TRMT2B: variants seen among roughly 807,000 people sequenced by gnomAD.
TRMT2B encodes tRNA (uracil-5-)-methyltransferase homolog B.
A neutral mutation model predicts 39.7 loss-of-function variants in TRMT2B; 34 were observed. The observed-to-expected ratio is 0.86, with a 90% CI of 0.65 to 1.14. TRMT2B has a LOEUF of 1.14. Ranked by LOEUF, TRMT2B falls within the 50% of genes most tolerant of loss-of-function variation. The pLI, the probability that TRMT2B is intolerant of heterozygous loss-of-function variation, is 0.00. For synonymous variants in TRMT2B, 132 were observed against 137.3 expected (o/e 0.96, Z 0.27); for missense variants, 318 against 377.2 (o/e 0.84, Z 1.30).
At chrX:101,011,780 G>T (rs2086263712) in intron 13 of TRMT2B, among the ~76,000 whole-genome samples, 1 of 111,320 alleles carries the variant, frequency 9.0e-6, no homozygotes, top group Non-Finnish European at 1.9e-5. Context: ...TGTAGTGCCA[G>T]CTACTCAGGA....
intron 7 of TRMT2B, among the ~76,000 whole-genome samples, chrX:101,025,181 T>C (rs2087003104): frequency 8.9e-6 from 1 of 111,983 alleles, no homozygotes. Flanking sequence ...TCAGTTTATT[T>C]ATGGAAAATA....
chrX:101,028,748 T>TG (rs1356423608), intron 7 of TRMT2B, among the ~76,000 whole-genome samples: 3 of 111,766 alleles, frequency 2.7e-5, no homozygotes, highest in Admixed American at 9.6e-5. Context: ...TATCTCAAAT[T>TG]GTAATCCCCA....
chrX:101,033,256 CAA>C (rs748471263), intron 7 of TRMT2B, among the ~76,000 whole-genome samples: 20 of 58,109 alleles, frequency 3.4e-4, no homozygotes, highest in Admixed American at 4.1e-4. Flanking sequence ...AACTCCAAGT[CAA>C]AAAAAAAAAA....
At chrX:101,019,892 A>G (rs1488958336) in intron 11 of TRMT2B, among the ~76,000 whole-genome samples, 1 of 110,241 alleles carries the variant, frequency 9.1e-6, no homozygotes, top group African/African-American at 3.3e-5. Context: ...AGCCTCCCAA[A>G]GTGCTGGAAT....
At chrX:101,032,024 G>A (rs920328388) in intron 7 of TRMT2B, among the ~76,000 whole-genome samples, 3 of 111,302 alleles carry the variant, frequency 2.7e-5, no homozygotes, top group African/African-American at 9.8e-5. Context: ...GACCGGGGGT[G>A]CCTATAATCC....
rs2086788211 is a variant in TRMT2B, at chrX:101,021,235, C to T, written c.932G>A (p.Ser311Asn). The T allele has an allele frequency of 1.7e-6, 2 of 1,209,966 alleles. No homozygotes were observed. The highest frequency in any genetic ancestry group is 2.2e-6 in the Non-Finnish European group (2 of 895,194). Residue 311 changes from serine to asparagine, a missense_variant, in exon 10 of 14, where the codon AGC becomes AAC. Ser to Asn is a conservative substitution (Grantham distance 46). Coordinates refer to ENST00000372936, the MANE Select transcript of TRMT2B (RefSeq NM_024917.6). ...ATCTGGAGAGATGCGGATCTTCAAG[C>T]TCAGAAGTTCTTCAAAGATGTAGGG... ...GEPYIFEELL[S>N]LKIRISPDAF...
intron 2 of TRMT2B, among the ~76,000 whole-genome samples, chrX:101,048,460 AAAAC>A (rs1477442252): frequency 5.4e-5 from 6 of 111,238 alleles, no homozygotes; most frequent in African/African-American, 2.0e-4. Context: ...CAAAAAAAAA[AAAAC>A]AGTCTTACTT....
chrX:101,021,702 G>A (rs1274777156), intron 9 of TRMT2B, among the ~76,000 whole-genome samples: 1 of 112,364 alleles, frequency 8.9e-6, no homozygotes, highest in Admixed American at 9.4e-5. Flanking sequence ...TGGTTGGGTA[G>A]ACAGGGAGGC....
intron 5 of TRMT2B, 82 bp from the exon 6 acceptor site, chrX:101,037,155 T>C: frequency 2.6e-6 from 2 of 766,007 alleles, no homozygotes; most frequent in Non-Finnish European, 4.0e-6. Context: ...AGCAGGAATG[T>C]TCTCTGGATG....
chrX:100,981,634 T>C, the TRMT2B span, among the ~76,000 whole-genome samples: 7 of 93,035 alleles, frequency 7.5e-5, no homozygotes, highest in African/African-American at 2.8e-4. Context: ...CAAAACTCTC[T>C]ACAAAAAAAA....
the TRMT2B span, among the ~76,000 whole-genome samples, chrX:100,976,860 A>G: frequency 8.9e-6 from 1 of 112,664 alleles, no homozygotes; most frequent in Non-Finnish European, 1.9e-5. Context: ...GGCCTCCCAA[A>G]GTGGTGGGAT....
chrX:100,996,172 C>T, the TRMT2B span, among the ~76,000 whole-genome samples: 1 of 111,581 alleles, frequency 9.0e-6, no homozygotes, highest in African/African-American at 3.3e-5. Context: ...GCCAGGCACA[C>T]AAAGACAAAT....
chrX:101,034,508 G>C (rs778798089), intron 7 of TRMT2B, among the ~76,000 whole-genome samples: 1 of 111,523 alleles, frequency 9.0e-6, no homozygotes, highest in African/African-American at 3.3e-5. Flanking sequence ...GAACTGGGTA[G>C]AGGGGTCAGA....
intron 13 of TRMT2B, among the ~76,000 whole-genome samples, chrX:101,011,140 G>A (rs1489839822): frequency 8.9e-6 from 1 of 111,871 alleles, no homozygotes; most frequent in Non-Finnish European, 1.9e-5. Context: ...ATCACTTAAC[G>A]ATGGGGGTAC....
chrX:101,028,112 C>CTTTTTTT (rs1161374681), intron 7 of TRMT2B, among the ~76,000 whole-genome samples: 3 of 78,434 alleles, frequency 3.8e-5, no homozygotes, highest in East Asian at 3.9e-4. Context: ...ACTTCTTGCT[C>CTTTTTTT]TTTTTTTTTT....
chrX:101,025,332 C>T (rs1220553777), intron 7 of TRMT2B, among the ~76,000 whole-genome samples: 2 of 111,257 alleles, frequency 1.8e-5, no homozygotes, highest in Non-Finnish European at 1.9e-5. Flanking sequence ...TAGTCAGATC[C>T]TCCATTTCCT....
chrX:101,002,175 G>C, the TRMT2B span, among the ~76,000 whole-genome samples: 1 of 111,230 alleles, frequency 9.0e-6, no homozygotes, highest in Non-Finnish European at 1.9e-5. Flanking sequence ...TGCATTTCAC[G>C]GGACAGGCCA....
At chrX:100,982,306 C>A in the TRMT2B span, among the ~76,000 whole-genome samples, 1 of 106,234 alleles carries the variant, frequency 9.4e-6, no homozygotes, top group Non-Finnish European at 1.9e-5. Context: ...GCCTGGCCAA[C>A]ATGGTGAAAC....
Position 101,046,924 on chromosome X carries a change from C to A in TRMT2B, c.-24+4327G>T, listed in dbSNP as rs200650997. ...CTGGGCAACAAGAGCGAAACTCCGT[C>A]CCCCCAGCAAAAAAAAGTACTTAGG... On this transcript the variant is annotated intron_variant, in intron 2 of 13. Coordinates refer to ENST00000372936, the MANE Select transcript of TRMT2B (RefSeq NM_024917.6). 2.8e-5 allele frequency among the ~76,000 whole-genome samples: 3 copies of A among 108,361 alleles called. No individual in the cohort carries two copies. In the East Asian group the frequency reaches 8.9e-4, roughly 32 times the overall value. The allele number at this position is 108,361 out of a possible 115,157, so 94.1% of individuals were successfully genotyped here.
Sources: gnomAD v4.1 joint callset for allele counts (sites outside exome capture counted in the v4.1 genomes callset) on GRCh38, gnomAD v4.1.1 for gene constraint, MANE v1.5 for transcripts, NCBI Gene and HGNC (gene_info 2026-07-23, HGNC 2026-07-21) for gene names.